TAF1: variants seen among roughly 807,000 people sequenced by gnomAD.
The protein encoded by TAF1 is TATA-box binding protein associated factor 1, also known as transcription initiation factor TFIID subunit 1.
TAF1 carries 2 observed loss-of-function variants against 138.5 expected under a neutral mutation model. That is an observed-to-expected ratio of 0.01 (90% CI 0.01 to 0.05). TAF1 has a LOEUF of 0.05. Among genes scored for constraint, TAF1 ranks in the 10% least tolerant of loss-of-function variants. The pLI is 1.00. For synonymous variants in TAF1, 437 were observed against 503.2 expected (o/e 0.87, Z 1.76); for missense variants, 709 against 1,478.0 (o/e 0.48, Z 8.53).
At chrX:71,485,943 CCTA>C (rs2039161893) in intron 13 of TAF1, among the ~76,000 whole-genome samples, 1 of 109,734 alleles carries the variant, frequency 9.1e-6, no homozygotes, top group South Asian at 3.8e-4. Context: ...AATATTTCCC[CCTA>C]CGTTTTTTCT....
At chrX:71,449,600 G>T (rs1026596569) in intron 32 of TAF1, among the ~76,000 whole-genome samples, 1 of 112,125 alleles carries the variant, frequency 8.9e-6, no homozygotes, top group Non-Finnish European at 1.9e-5. Flanking sequence ...TTTAAGTTTC[G>T]AAACTAAAGT....
intron 13 of TAF1, among the ~76,000 whole-genome samples, chrX:71,508,993 A>C (rs1439765585): frequency 9.6e-6 from 1 of 104,691 alleles, no homozygotes; most frequent in Non-Finnish European, 2.0e-5. Context: ...TTTTTTGTAG[A>C]GGTGGGGTCT....
intron 13 of TAF1, among the ~76,000 whole-genome samples, chrX:71,384,435 T>C (rs1481867107): frequency 9.2e-6 from 1 of 108,262 alleles, no homozygotes. Flanking sequence ...TTTTTGAGAC[T>C]GAATCTTGCT....
At chrX:71,501,743 C>T (rs1415227752) in intron 13 of TAF1, among the ~76,000 whole-genome samples, 1 of 111,570 alleles carries the variant, frequency 9.0e-6, no homozygotes, top group East Asian at 2.8e-4. Flanking sequence ...GAGCCCTTTC[C>T]CAGAAAGCCT....
At position 71,420,033 on chromosome X, in the gene TAF1, T is replaced by G; in HGVS notation, c.4385-1276T>G. ...TATTTTTTTTAATTCTTTTTTTTTT[T>G]CCCCTTCTGTCCTCTTTTTTTCTTC... On this transcript the variant is annotated intron_variant, in intron 28 of 37. Transcript: ENST00000423759. 9.9e-6 allele frequency: 3 copies of G among 303,641 alleles called. No individual in the cohort carries two copies. The Middle Eastern group carries it at 1.5e-3, about 152-fold the overall frequency. The allele number at this position is 303,641 out of a possible 1,213,427, so 25.0% of individuals were successfully genotyped here.
intron 28 of TAF1, among the ~76,000 whole-genome samples, chrX:71,416,401 G>A (rs2036015654): frequency 2.1e-5 from 2 of 95,320 alleles, no homozygotes; most frequent in South Asian, 4.2e-4. Flanking sequence ...GAAAAAAAAA[G>A]AAGAAGAAAC....
At position 71,377,630 on chromosome X, in the gene TAF1, C is replaced by G. The variant is rs2033576006; in HGVS notation, c.742C>G (p.Pro248Ala). Residue 248 changes from proline (P) to alanine (A), a missense_variant, in exon 6 of 38, where the codon CCA becomes GCA. Around this residue, in one of 14 missense-constraint regions of TAF1, gnomAD observed 16 missense variants for 42.1 expected, o/e 0.38. Coordinates refer to ENST00000423759, the MANE Select transcript of TAF1 (RefSeq NM_004606.5). ...GTTACGTTTTCTACGTCTTTTTGGA[C>G]CAGGGAAGAATGTCCCATCTGTTTG... ...KVLRFLRLFG[P>A]GKNVPSVWRS... is the part of the protein sequence containing the mutation. 1.7e-6 allele frequency: 2 copies of G among 1,208,904 alleles called. No homozygotes were observed. Among genetic ancestry groups the G allele is most frequent in the Admixed American group, 2.2e-5 (1 of 45,337 alleles).
At chrX:71,388,121 T>C in intron 15 of TAF1, 116 bp from the exon 16 acceptor site, 1 of 1,037,325 alleles carries the variant, frequency 9.6e-7, no homozygotes, top group Non-Finnish European at 1.3e-6. Flanking sequence ...GCTGTGTGGG[T>C]TTGGGAGCAC....
chrX:71,394,855 G>A (rs2034760208), intron 22 of TAF1, among the ~76,000 whole-genome samples: 1 of 111,273 alleles, frequency 9.0e-6, no homozygotes. Context: ...GACTATAGGT[G>A]CGTGCCACCA....
At chrX:71,376,123 C>G (rs953275883) in intron 4 of TAF1, among the ~76,000 whole-genome samples, 6 of 111,760 alleles carry the variant, frequency 5.4e-5, no homozygotes, top group African/African-American at 2.0e-4. Flanking sequence ...TTTTGACCTC[C>G]TGTATTTTGA....
At chrX:71,472,730 C>CA (rs1346208973) in intron 13 of TAF1, among the ~76,000 whole-genome samples, 1 of 110,661 alleles carries the variant, frequency 9.0e-6, no homozygotes, top group Non-Finnish European at 1.9e-5. Flanking sequence ...GACTGCATCT[C>CA]AAAAAAATAA....
At chrX:71,440,965 A>G (rs1419039885) in intron 32 of TAF1, among the ~76,000 whole-genome samples, 1 of 106,538 alleles carries the variant, frequency 9.4e-6, no homozygotes, top group Non-Finnish European at 1.9e-5. Context: ...TCTTCTTGTT[A>G]TCTTTGCTCA....
intron 28 of TAF1, among the ~76,000 whole-genome samples, chrX:71,419,255 A>G (rs930414704): frequency 1.8e-5 from 2 of 110,520 alleles, no homozygotes; most frequent in African/African-American, 6.6e-5. Flanking sequence ...AACTTTATTC[A>G]TCGCACGTAT....
intron 13 of TAF1, among the ~76,000 whole-genome samples, chrX:71,513,530 A>G (rs2039769549): frequency 9.0e-6 from 1 of 110,931 alleles, no homozygotes; most frequent in Admixed American, 9.7e-5. Context: ...GTAGACAGGG[A>G]TGAAAGGGAA....
chrX:71,421,158 A>G (rs2036324897), intron 28 of TAF1, 151 bp from the exon 29 acceptor site: 2 of 473,968 alleles, frequency 4.2e-6, no homozygotes, highest in Admixed American at 3.7e-5. Context: ...TGGAAAATGG[A>G]CATAAGTCTG....
At chrX:71,389,073 A>G (rs1417276451) in intron 17 of TAF1, among the ~76,000 whole-genome samples, 1 of 111,936 alleles carries the variant, frequency 8.9e-6, no homozygotes, top group Non-Finnish European at 1.9e-5. Context: ...TAGTGTAGCT[A>G]AGTATCAGTG....
intron 29 of TAF1, among the ~76,000 whole-genome samples, chrX:71,422,656 T>A (rs2036409476): frequency 9.0e-6 from 1 of 110,829 alleles, no homozygotes; most frequent in Admixed American, 9.6e-5. Context: ...TTTTTGTCAT[T>A]CCATAGGCAA....
chrX:71,409,477 G>A (rs1273594497), intron 28 of TAF1, among the ~76,000 whole-genome samples: 1 of 111,624 alleles, frequency 9.0e-6, no homozygotes, highest in Non-Finnish European at 1.9e-5. Context: ...TGCATGTAAA[G>A]GATAAGGTTT....
chrX:71,466,603 C>G (rs898921314), downstream of TAF1: 1 of 112,152 alleles, frequency 8.9e-6, no homozygotes, highest in African/African-American at 3.3e-5. Context: ...GTTTCAAACT[C>G]CTGACCTCAG....
Sources: gnomAD v4.1 joint callset for allele counts (sites outside exome capture counted in the v4.1 genomes callset) on GRCh38, gnomAD v4.1.1 for gene constraint, gnomAD v4.1.1 regional missense constraint, MANE v1.5 for transcripts, NCBI Gene and HGNC (gene_info 2026-07-23, HGNC 2026-07-21) for gene names.